The following NCKAP5 variants were observed in gnomAD, a reference collection of about 807,000 sequenced individuals.
NCKAP5 encodes nck-associated protein 5.
Under a neutral mutation model 167.0 loss-of-function variants are expected in NCKAP5, and 92 were observed. That is an observed-to-expected ratio of 0.55 (90% CI 0.47 to 0.66). NCKAP5 has a LOEUF of 0.66. Among genes scored for constraint, NCKAP5 ranks in the 30% least tolerant of loss-of-function variants. The pLI, the probability that NCKAP5 is intolerant of heterozygous loss-of-function variation, is 0.00. For missense variants in NCKAP5, 2,378 were observed against 2,315.0 expected (o/e 1.03, Z -0.56); for synonymous variants, 891 against 877.4 (o/e 1.02, Z -0.27).
chr2:132,877,682 A>G (rs1002665716), intron 9 of NCKAP5, among the ~76,000 whole-genome samples: 1 of 152,202 alleles, frequency 6.6e-6, no homozygotes, highest in Admixed American at 6.5e-5. Flanking sequence ...TGAAGGGAAC[A>G]AGAGTTATAT....
rs542272147 is a variant in NCKAP5 at position 133,168,642 on chromosome 2, G to A, written c.208-38531C>T. Among the ~76,000 whole-genome samples, 10 of 152,168 alleles carry A rather than the reference G, an allele frequency of 6.6e-5. 1 individual carries two copies. The South Asian group carries it at 2.1e-3, about 31-fold the overall frequency. Reference sequence around the variant, plus strand: ...TTGCTGCAAACTAATTAATTCCTAAGAACTTTGACACTAGAAGCTAAGACC... The same window carrying A: ...TTGCTGCAAACTAATTAATTCCTAAAAACTTTGACACTAGAAGCTAAGACC... On this transcript the variant is annotated intron_variant, in intron 5 of 19. Coordinates refer to ENST00000409261, the MANE Select transcript of NCKAP5 (RefSeq NM_207363.3).
At chr2:133,218,777 A>G (rs1407014426) in intron 4 of NCKAP5, among the ~76,000 whole-genome samples, 1 of 152,192 alleles carries the variant, frequency 6.6e-6, no homozygotes, top group East Asian at 1.9e-4. Context: ...AAGAGTCCTA[A>G]TACAGTGTAA....
intron 3 of NCKAP5, among the ~76,000 whole-genome samples, chr2:133,331,269 G>C (rs1197741132): frequency 1.3e-5 from 2 of 152,142 alleles, no homozygotes; most frequent in Non-Finnish European, 2.9e-5. Context: ...TTCGTGGAGA[G>C]GGTAGAAGAT....
chr2:133,088,515 C>A (rs1303025593), intron 6 of NCKAP5, among the ~76,000 whole-genome samples: 2 of 152,158 alleles, frequency 1.3e-5, no homozygotes, highest in African/African-American at 4.8e-5. Context: ...CCTTACCATA[C>A]CTCCTACTCT....
chr2:133,237,035 C>A, intron 4 of NCKAP5, among the ~76,000 whole-genome samples: 1 of 148,196 alleles, frequency 6.7e-6, no homozygotes, highest in African/African-American at 2.5e-5. Flanking sequence ...TACCCTAGAA[C>A]TTAAAGTATA....
chr2:133,498,572 A>G (rs1682187630), intron 3 of NCKAP5, among the ~76,000 whole-genome samples: 1 of 151,146 alleles, frequency 6.6e-6, no homozygotes. Context: ...AGAAAAGAGG[A>G]ATGGTAGGGA....
intron 3 of NCKAP5, among the ~76,000 whole-genome samples, chr2:133,349,464 T>A (rs1202667383): frequency 6.6e-6 from 1 of 152,242 alleles, no homozygotes. Flanking sequence ...CTTCCTTGAA[T>A]TCCCCCAGCA....
the NCKAP5 span, among the ~76,000 whole-genome samples, chr2:133,643,625 C>T: frequency 6.6e-6 from 1 of 152,190 alleles, no homozygotes; most frequent in African/African-American, 2.4e-5. Flanking sequence ...CTCCCTACCT[C>T]CAATCATCCT....
At chr2:132,690,610 A>G (rs1024174599) in intron 19 of NCKAP5, among the ~76,000 whole-genome samples, 1 of 152,148 alleles carries the variant, frequency 6.6e-6, no homozygotes, top group African/African-American at 2.4e-5. Context: ...ACAGCTTCTG[A>G]GAACCTACAA....
chr2:132,808,244 T>A (rs1422614795), intron 11 of NCKAP5, among the ~76,000 whole-genome samples: 2 of 152,080 alleles, frequency 1.3e-5, no homozygotes, highest in East Asian at 3.8e-4. Context: ...CCTTTCCTGG[T>A]TTTGGTATTA....
chr2:133,362,451 T>C (rs1046221335), intron 3 of NCKAP5, among the ~76,000 whole-genome samples: 1 of 152,132 alleles, frequency 6.6e-6, no homozygotes, highest in African/African-American at 2.4e-5. Context: ...CAGAAAAATG[T>C]GTTTGTTTGT....
intron 6 of NCKAP5, among the ~76,000 whole-genome samples, chr2:133,124,380 T>C (rs2082338446): frequency 6.6e-6 from 1 of 152,170 alleles, no homozygotes; most frequent in Non-Finnish European, 1.5e-5. Context: ...TGTAAAATGG[T>C]TTGCTAAGAA....
In NCKAP5 at chr2:132,689,529, G is replaced by A. The variant is rs531498391; in HGVS notation, c.5714-16224C>T. ...GTACTGTAGTTGAGTGTGAGGCTTG[G>A]CTCACACTGCCTCTGCTACTCAGAG... On this transcript the variant is annotated intron_variant, in intron 19 of 19. Coordinates refer to ENST00000409261, the MANE Select transcript of NCKAP5 (RefSeq NM_207363.3). 3.3e-5 allele frequency among the ~76,000 whole-genome samples: 5 copies of A among 152,214 alleles called. No homozygotes were observed. The South Asian group carries it at 6.2e-4, about 19-fold the overall frequency.
chr2:132,914,424 G>A (rs1292655059), intron 8 of NCKAP5, among the ~76,000 whole-genome samples: 1 of 152,016 alleles, frequency 6.6e-6, no homozygotes, highest in Non-Finnish European at 1.5e-5. Context: ...AGCAAGATAG[G>A]AGAGGAAATT....
At chr2:133,562,025 G>A (rs1188329727) in intron 1 of NCKAP5, among the ~76,000 whole-genome samples, 2 of 151,904 alleles carry the variant, frequency 1.3e-5, no homozygotes, top group Admixed American at 1.3e-4. Context: ...TTATATTGAA[G>A]AATAGGGATG....
At chr2:133,345,281 C>T (rs1403090347) in intron 3 of NCKAP5, among the ~76,000 whole-genome samples, 1 of 151,980 alleles carries the variant, frequency 6.6e-6, no homozygotes, top group Non-Finnish European at 1.5e-5. Context: ...AAGTGACAGC[C>T]TTGTGTGTGA....
At chr2:133,022,422 A>ATCAGCAC (rs1238027684) in intron 6 of NCKAP5, among the ~76,000 whole-genome samples, 36 of 152,270 alleles carry the variant, frequency 2.4e-4, no homozygotes, top group Non-Finnish European at 4.7e-4. Context: ...ATTACTTCAA[A>ATCAGCAC]CTGAGGGCAC....
chr2:132,749,196 A>C (rs1281234278), intron 16 of NCKAP5, among the ~76,000 whole-genome samples: 1 of 151,266 alleles, frequency 6.6e-6, no homozygotes, highest in Non-Finnish European at 1.5e-5. Context: ...TTTTTTCTTC[A>C]GTTTCATTTT....
intron 13 of NCKAP5, among the ~76,000 whole-genome samples, chr2:132,787,675 C>T (rs946458335): frequency 1.3e-5 from 2 of 152,122 alleles, no homozygotes; most frequent in East Asian, 1.9e-4. Flanking sequence ...GCAGTAGATG[C>T]TATTCAGTGA....
Sources: gnomAD v4.1 joint callset for allele counts (sites outside exome capture counted in the v4.1 genomes callset) on GRCh38, gnomAD v4.1.1 for gene constraint, MANE v1.5 for transcripts, NCBI Gene and HGNC (gene_info 2026-07-23, HGNC 2026-07-21) for gene names.